PCDH15: variants seen among roughly 807,000 people sequenced by gnomAD.
PCDH15 encodes the protein protocadherin-15.
A neutral mutation model predicts 178.5 loss-of-function variants in PCDH15; 129 were observed. That is an observed-to-expected ratio of 0.72 (90% confidence interval 0.63 to 0.84). The LOEUF (loss-of-function observed/expected upper bound fraction) is 0.84, where lower values mean the gene tolerates loss of function less well. Ranked by LOEUF, PCDH15 falls within the 40% of genes least tolerant of loss-of-function variation. The probability of loss-of-function intolerance (pLI) is 0.00; values close to 1 mark genes in which losing one functional copy is unlikely to be tolerated. For synonymous variants in PCDH15, 800 were observed against 732.0 expected (o/e 1.09, Z -1.50); for missense variants, 2,230 against 2,099.9 (o/e 1.06, Z -1.21).
intron 9 of PCDH15, among the ~76,000 whole-genome samples, chr10:54,219,932 T>A (rs556230343): frequency 7.9e-5 from 12 of 152,214 alleles, no homozygotes; most frequent in African/African-American, 2.9e-4. Context: ...GATAGACATA[T>A]ATATTTTAAT....
chr10:54,263,070 T>C (rs1421144745), intron 8 of PCDH15, among the ~76,000 whole-genome samples: 8 of 149,026 alleles, frequency 5.4e-5, no homozygotes, highest in Admixed American at 3.3e-4. Flanking sequence ...GTCTCTACAC[T>C]TGAAATACTG....
At chr10:54,012,366 T>C (rs1005700035) in intron 20 of PCDH15, among the ~76,000 whole-genome samples, 1 of 152,152 alleles carries the variant, frequency 6.6e-6, no homozygotes, top group Non-Finnish European at 1.5e-5. Flanking sequence ...TTGGAAAACA[T>C]ATTTCAGGAT....
At chr10:54,975,084 C>G (rs953810179) in intron 2 of PCDH15, among the ~76,000 whole-genome samples, 1 of 152,178 alleles carries the variant, frequency 6.6e-6, no homozygotes, top group Non-Finnish European at 1.5e-5. Context: ...ACACCTTGAG[C>G]ACTTTCTACA....
In PCDH15 at chr10:54,146,894, A is replaced by ATATATATAGTGTATATATATAGTG. The variant is rs1470154799; in HGVS notation, c.1784+6205_1784+6206insCACTATATATATACACTATATATA. Among the ~76,000 whole-genome samples the ATATATATAGTGTATATATATAGTG allele has an allele frequency of 7.5e-4, 38 of 50,820 alleles. No individual in the cohort carries two copies. The South Asian group carries it at 8.5e-3, about 11-fold the overall frequency. 33.3% of individuals were successfully genotyped at this position (50,820 alleles called of 152,430 possible). A position where few individuals can be genotyped will look rare whatever the true frequency, so the allele number is the denominator to read the frequency against. ...ATCACTATATATATAGTGTGTGTAT[A>ATATATATAGTGTATATATATAGTG]CATATATATATAGTGTATATATATA... On this transcript the variant is annotated intron_variant, in intron 14 of 37. Coordinates refer to ENST00000644397, the MANE Select transcript of PCDH15 (RefSeq NM_001384140.1).
chr10:54,498,972 A>G (rs898523203), intron 3 of PCDH15, among the ~76,000 whole-genome samples: 1 of 152,046 alleles, frequency 6.6e-6, no homozygotes, highest in African/African-American at 2.4e-5. Context: ...AAACAACCAG[A>G]TCTCATGAGA....
At chr10:54,977,946 T>C (rs1244215128) in intron 2 of PCDH15, among the ~76,000 whole-genome samples, 11 of 152,186 alleles carry the variant, frequency 7.2e-5, no homozygotes, top group Admixed American at 7.2e-4. Context: ...AGGACAATAT[T>C]GAAAACTATC....
chr10:54,548,150 TTATA>T (rs938411378), intron 2 of PCDH15, among the ~76,000 whole-genome samples: 117 of 147,304 alleles, frequency 7.9e-4, no homozygotes, highest in African/African-American at 2.7e-3. Context: ...TATATATGTT[TTATA>T]TATATATTTA....
chr10:55,284,721 T>G (rs1842823292), intron 1 of PCDH15, among the ~76,000 whole-genome samples: 1 of 152,050 alleles, frequency 6.6e-6, no homozygotes, highest in African/African-American at 2.4e-5. Context: ...CTTAAATACT[T>G]CTATTTAAGT....
intron 2 of PCDH15, among the ~76,000 whole-genome samples, chr10:55,383,863 A>G (rs570669907): frequency 3.9e-5 from 6 of 152,270 alleles, no homozygotes; most frequent in Admixed American, 3.9e-4. Context: ...AGATGTTTGC[A>G]CTAACTGGGG....
chr10:55,357,292 TA>T (rs901801763), intron 2 of PCDH15, among the ~76,000 whole-genome samples: 10 of 151,720 alleles, frequency 6.6e-5, no homozygotes, highest in African/African-American at 1.4e-4. Flanking sequence ...ACCACTGCAT[TA>T]AAAAAAATAA....
In PCDH15 at chr10:54,195,681, A is replaced by T. The variant is rs2049531217; in HGVS notation, c.1305+2T>A. The T allele has an allele frequency of 6.2e-7, 1 of 1,610,130 alleles. No individual in the cohort carries two copies. The highest frequency in any genetic ancestry group is 1.3e-5 in the African/African-American group (1 of 74,728). On this transcript the variant is annotated splice_donor_variant, in intron 11 of 37. Transcript: ENST00000644397. LOFTEE classifies it high-confidence loss of function. ...CAAGAGCAAAATATGTATTTAACTT[A>T]CATCTTCTATGTCCTTGTCCAGAGC...
At chr10:55,493,089 T>C (rs752496433) in intron 2 of PCDH15, among the ~76,000 whole-genome samples, 4 of 151,652 alleles carry the variant, frequency 2.6e-5, no homozygotes, top group Non-Finnish European at 5.9e-5. Flanking sequence ...CAACATGATA[T>C]GAGTATAACT....
At chr10:54,161,088 A>G (rs954222050) in intron 13 of PCDH15, among the ~76,000 whole-genome samples, 6 of 152,174 alleles carry the variant, frequency 3.9e-5, no homozygotes, top group African/African-American at 4.8e-5. Context: ...TTACATTTCC[A>G]AAAAGTGACT....
intron 8 of PCDH15, among the ~76,000 whole-genome samples, chr10:54,310,915 G>A (rs2060862957): frequency 6.6e-6 from 1 of 152,072 alleles, no homozygotes; most frequent in South Asian, 2.1e-4. Flanking sequence ...AAAAGCAAGA[G>A]AGGAGAGATT....
chr10:55,091,355 A>C (rs528749585), intron 2 of PCDH15, among the ~76,000 whole-genome samples: 1 of 152,100 alleles, frequency 6.6e-6, no homozygotes, highest in African/African-American at 2.4e-5. Context: ...CAAGTTTTGC[A>C]TTCTATAGAG....
At chr10:54,694,443 G>C (rs2095184584) in intron 1 of PCDH15, among the ~76,000 whole-genome samples, 1 of 152,002 alleles carries the variant, frequency 6.6e-6, no homozygotes, top group African/African-American at 2.4e-5. Context: ...TTGTTTTGCT[G>C]CTCTTTGCTT....
At position 55,442,719 on chromosome 10, in the gene PCDH15, A is replaced by G. The variant is rs765458191; in HGVS notation, c.-156+184906T>C. Among the ~76,000 whole-genome samples the G allele has an allele frequency of 1.3e-3, 197 of 151,898 alleles. 2 individuals are homozygous for G. Among genetic ancestry groups the G allele is most frequent in the Non-Finnish European group, 2.3e-3 (154 of 67,908 alleles). ...ATGTAGATGCAAAACTGCAAATGTT[A>G]ATGATAAACTAGATTGTGAATGCAC... On this transcript the variant is annotated intron_variant, in intron 2 of 5. Transcript: ENST00000613346.
At chr10:55,287,552 T>C (rs187431510) in intron 1 of PCDH15, among the ~76,000 whole-genome samples, 11 of 152,116 alleles carry the variant, frequency 7.2e-5, no homozygotes, top group African/African-American at 2.6e-4. Context: ...AATGCCTGAG[T>C]TGCATTCAGA....
intron 8 of PCDH15, 37 bp downstream of exon 8, chr10:54,317,234 C>T (rs1249242738): frequency 6.9e-6 from 11 of 1,598,940 alleles, no homozygotes; most frequent in Admixed American, 1.7e-5. Flanking sequence ...GGTTTTAAAA[C>T]ATGCAAATAA....
Sources: gnomAD v4.1 joint callset for allele counts (sites outside exome capture counted in the v4.1 genomes callset) on GRCh38, gnomAD v4.1.1 for gene constraint, MANE v1.5 for transcripts, NCBI Gene and HGNC (gene_info 2026-07-23, HGNC 2026-07-21) for gene names.